CFAP46: variants seen among roughly 807,000 people sequenced by gnomAD.
The protein encoded by CFAP46 is cilia- and flagella-associated protein 46.
In CFAP46, 245 loss-of-function variants were observed where a neutral mutation model predicts 325.7. The ratio of observed to expected loss-of-function variants is 0.75; its 90% CI spans 0.68 to 0.84. The LOEUF is 0.84. CFAP46 is among the 40% of genes least tolerant of loss of function. The probability of loss-of-function intolerance (pLI) is 0.00; values close to 1 mark genes in which losing one functional copy is unlikely to be tolerated. For missense variants in CFAP46, 3,346 were observed against 3,543.0 expected (o/e 0.94, Z 1.41); for synonymous variants, 1,523 against 1,495.9 (o/e 1.02, Z -0.42).
At chr10:132,845,116 C>T (rs563903433) in intron 44 of CFAP46, among the ~76,000 whole-genome samples, 2 of 152,340 alleles carry the variant, frequency 1.3e-5, no homozygotes, top group Admixed American at 1.3e-4. Context: ...TGCACACCCT[C>T]CTGGACCCAG....
intron 50 of CFAP46, among the ~76,000 whole-genome samples, chr10:132,824,396 C>T (rs1252352915): frequency 9.0e-6 from 1 of 110,600 alleles, no homozygotes; most frequent in African/African-American, 3.6e-5. Flanking sequence ...GCTGTGTGTG[C>T]TGATGTGTGT....
At chr10:132,867,183 CA>C (rs1848826765) in intron 34 of CFAP46, among the ~76,000 whole-genome samples, 191 bp downstream of exon 34, 3 of 149,354 alleles carry the variant, frequency 2.0e-5, no homozygotes, top group African/African-American at 4.9e-5. Context: ...CTGACACACA[CA>C]CAGGCCGGCC....
At chr10:132,901,874 GTT>G (rs1429545821) in intron 22 of CFAP46, among the ~76,000 whole-genome samples, 1 of 152,102 alleles carries the variant, frequency 6.6e-6, no homozygotes. Flanking sequence ...AGACTGACAG[GTT>G]TTCTTTTTTT....
chr10:132,859,169 C>T lies in CFAP46; in HGVS notation c.5277G>A (p.Glu1759=), dbSNP rs1194078241. The change falls in exon 38 of 58, where the codon GAG becomes GAA. Residue 1759 remains glutamate (E), a synonymous_variant. Coordinates refer to ENST00000368586, the MANE Select transcript of CFAP46 (RefSeq NM_001200049.3). ...CAATTTCCAACAGGCCATCATCCAT[C>T]TCTTTCAGTAGCAACGAGCACTCTG... ...EPTECSLLLK[E]MDDGLLEIER... The T allele has an allele frequency of 1.9e-6, 3 of 1,550,812 alleles. No homozygotes were observed. Among genetic ancestry groups the T allele is most frequent in the Non-Finnish European group, 1.7e-6 (2 of 1,147,032 alleles).
rs1416368397 is a variant in CFAP46, at chr10:132,876,763, A to G, written c.4362+49T>C. ...CTGGACTTGGGGACAGGTCAAGGGG[A>G]CACCATGCTGTGACCAAGGTCTTGA... On this transcript the variant is annotated intron_variant, in intron 31 of 57. Transcript: ENST00000368586. The surrounding 1 kb of genome is among the most constrained non-coding windows in gnomAD (Gnocchi z 4.1). 1.3e-6 allele frequency: 2 copies of G among 1,522,254 alleles called. No homozygotes were observed. The highest frequency in any genetic ancestry group is 2.8e-5 in the African/African-American group (2 of 72,036). The allele number at this position is 1,522,254 out of a possible 1,614,324, so 94.3% of individuals were successfully genotyped here.
chr10:132,886,578 G>A lies in CFAP46; in HGVS notation c.3305-619C>T, dbSNP rs1849135158. Among the ~76,000 whole-genome samples, 1 of 152,188 alleles carries A rather than the reference G, an allele frequency of 6.6e-6. No homozygotes were observed. The highest frequency in any genetic ancestry group is 1.5e-5 in the Non-Finnish European group (1 of 68,020). On this transcript the variant is annotated intron_variant, in intron 25 of 57. Coordinates refer to ENST00000368586, the MANE Select transcript of CFAP46 (RefSeq NM_001200049.3). This position sits in a 1 kb window ranked among gnomAD's most constrained non-coding sequence, Gnocchi z 5.8. ...CACGAAGCCAGCAGGGTGGATCCTG[G>A]TGGGATGGAACCCTCAGTGTCTGGG...
At chr10:132,855,117 G>A (rs1848621775) in intron 39 of CFAP46, among the ~76,000 whole-genome samples, 1 of 152,036 alleles carries the variant, frequency 6.6e-6, no homozygotes, top group Non-Finnish European at 1.5e-5. Flanking sequence ...CTGAGAGAGA[G>A]GAACTGAAAT....
chr10:132,877,805 A>G lies in CFAP46; in HGVS notation c.4212+76T>C. Reference sequence around the variant, plus strand: ...TGAGGCCGCCTGGGGCTCCTCCGAGAACCCTGACAGGCAGGGAAACTGAGG... The same window carrying G: ...TGAGGCCGCCTGGGGCTCCTCCGAGGACCCTGACAGGCAGGGAAACTGAGG... On this transcript the variant is annotated intron_variant, in intron 30 of 57. Coordinates refer to ENST00000368586, the MANE Select transcript of CFAP46 (RefSeq NM_001200049.3). This position sits in a 1 kb window ranked among gnomAD's most constrained non-coding sequence, Gnocchi z 5.7. The G allele has an allele frequency of 6.7e-7, 1 of 1,487,632 alleles. No individual in the cohort carries two copies. Among genetic ancestry groups the G allele is most frequent in the South Asian group, 1.2e-5 (1 of 82,440 alleles). 92.2% of individuals were successfully genotyped at this position (1,487,632 alleles called of 1,614,324 possible).
At chr10:132,865,385 G>A (rs1009654873) in intron 35 of CFAP46, among the ~76,000 whole-genome samples, 4 of 151,538 alleles carry the variant, frequency 2.6e-5, no homozygotes, top group South Asian at 2.1e-4. Context: ...CCAGTCCCAG[G>A]AGGAGGGGCC....
At chr10:132,834,837 G>A (rs1848212820) in intron 47 of CFAP46, 62 bp from the exon 48 acceptor site, 2 of 1,546,314 alleles carry the variant, frequency 1.3e-6, no homozygotes, top group South Asian at 1.2e-5. Flanking sequence ...GACCCCGCGA[G>A]GGCCAGGCCC....
chr10:132,922,729 CA>C, intron 11 of CFAP46, 21 bp from the exon 12 acceptor site: 1 of 1,533,844 alleles, frequency 6.5e-7, no homozygotes, highest in Non-Finnish European at 8.8e-7. Flanking sequence ...GGCGTGGCAT[CA>C]GGGGCCCTGG....
At chr10:132,942,247 G>A (rs1176738973) in intron 1 of CFAP46, 143 bp from the exon 2 acceptor site, 2 of 1,221,212 alleles carry the variant, frequency 1.6e-6, no homozygotes, top group Non-Finnish European at 2.2e-6. Context: ...CCAGGGAGCA[G>A]CGGTGTGGGC....
Position 132,922,144 on chromosome 10 carries a change from G to A in CFAP46, c.1566C>T (p.Asp522=), listed in dbSNP as rs1455077230. Residue 522 remains aspartate (D), a synonymous_variant, in exon 13 of 58, where the codon GAC becomes GAT. Coordinates refer to ENST00000368586, the MANE Select transcript of CFAP46 (RefSeq NM_001200049.3). ...LVNAGLALAP[D]AFQIVLDSEN... is the part of the protein sequence containing the mutation. ...CACTGTCCAGCACAATCTGAAACGCGTCAGGGGCTAAGGCCAGGCCTGCAT... is the reference window on the plus strand; with the variant it reads ...CACTGTCCAGCACAATCTGAAACGCATCAGGGGCTAAGGCCAGGCCTGCAT... 8.4e-6 allele frequency: 13 copies of A among 1,550,278 alleles called. No individual in the cohort carries two copies. Among genetic ancestry groups the A allele is most frequent in the East Asian group, 2.4e-5 (1 of 40,936 alleles).
rs762382905 is a variant in CFAP46 at position 132,937,562 on chromosome 10, A to G, written c.650T>C (p.Phe217Ser). Residue 217 changes from phenylalanine (F) to serine (S), a missense_variant, in exon 6 of 58, where the codon TTC becomes TCC. Phe to Ser is a radical substitution (Grantham distance 155). Coordinates refer to ENST00000368586, the MANE Select transcript of CFAP46 (RefSeq NM_001200049.3). ...SHVPQKYRQI[F>S]SVMVRHELMD... ...AATACGCTGATTTACCATAACAGAG[A>G]ATATCTGCCGGTATTTCTGTGGCAC... is the stretch of plus-strand genomic sequence containing the variant. The G allele has an allele frequency of 3.7e-6, 6 of 1,613,434 alleles. No individual in the cohort carries two copies. Among genetic ancestry groups the G allele is most frequent in the Non-Finnish European group, 5.1e-6 (6 of 1,179,992 alleles).
rs74161925 is a variant in CFAP46 at position 132,899,097 on chromosome 10, G to A, written c.3081C>T (p.Ser1027=). 0.03 allele frequency: 46,984 copies of A among 1,549,810 alleles called. 3,747 individuals are homozygous for A. Among genetic ancestry groups the A allele is most frequent in the African/African-American group, 0.29 (21,488 of 73,066 alleles). ...SARFGGIAGS[S]ALVMLAARHY... is the part of the protein sequence containing the mutation. ...GCCGCGCGGCCAGCATCACCAGGGCGCTGCTGCCCGCGATGCCTCCGAACC... is the reference window on the plus strand; with the variant it reads ...GCCGCGCGGCCAGCATCACCAGGGCACTGCTGCCCGCGATGCCTCCGAACC... Residue 1027 remains serine (S), a synonymous_variant, in exon 24 of 58, where the codon AGC becomes AGT. Transcript: ENST00000368586.
intron 50 of CFAP46, among the ~76,000 whole-genome samples, chr10:132,829,643 C>T (rs1848116957): frequency 3.3e-5 from 5 of 152,238 alleles, no homozygotes; most frequent in Admixed American, 2.6e-4. Context: ...CAACCTGCGA[C>T]GCTCAGGGGC....
chr10:132,903,585 C>G (rs1849418828), intron 22 of CFAP46, among the ~76,000 whole-genome samples: 1 of 152,238 alleles, frequency 6.6e-6, no homozygotes, highest in South Asian at 2.1e-4. Flanking sequence ...AGAATGGCTG[C>G]CTGGTACTGC....
At chr10:132,938,782 C>T (rs776606733) in intron 4 of CFAP46, 29 bp from the exon 5 acceptor site, 8 of 1,600,266 alleles carry the variant, frequency 5.0e-6, no homozygotes, top group African/African-American at 1.3e-5. Context: ...AAGCAGAGAG[C>T]ACGCTCAAAG....
chr10:132,860,552 G>A (rs1226864017), intron 36 of CFAP46, 29 bp from the exon 37 acceptor site: 1 of 1,482,588 alleles, frequency 6.7e-7, no homozygotes, highest in South Asian at 1.2e-5. Flanking sequence ...GGATACGGGT[G>A]TGTCTGAGGA....
Sources: allele counts gnomAD v4.1 joint callset (sites outside exome capture counted in the v4.1 genomes callset), GRCh38; gene constraint gnomAD v4.1.1; non-coding constraint Gnocchi (gnomAD v3.1); transcripts MANE v1.5; gene names NCBI Gene and HGNC (gene_info 2026-07-23, HGNC 2026-07-21).